C9orf85: variants seen among roughly 807,000 people sequenced by gnomAD.
C9orf85 encodes the protein uncharacterized protein C9orf85.
A neutral mutation model predicts 14.9 loss-of-function variants in C9orf85; 16 were observed. The ratio of observed to expected loss-of-function variants is 1.08; its 90% CI spans 0.73 to 1.63. The LOEUF is 1.63. Among genes scored for constraint, C9orf85 ranks in the 40% most tolerant of loss-of-function variants. The pLI is 0.00. For synonymous variants in C9orf85, 45 were observed against 56.8 expected, an observed-to-expected ratio of 0.79 and a Z score of 0.93; for missense variants, 172 against 186.1, an observed-to-expected ratio of 0.92 and a Z score of 0.44.
intron 2 of C9orf85, among the ~76,000 whole-genome samples, chr9:71,959,284 C>T (rs1038969096): frequency 4.0e-5 from 6 of 151,674 alleles, no homozygotes; most frequent in Admixed American, 3.3e-4. Flanking sequence ...ATTACAGGCA[C>T]GCCCCACCAT....
chr9:71,957,641 C>T (rs995143688), intron 2 of C9orf85, among the ~76,000 whole-genome samples: 1 of 152,138 alleles, frequency 6.6e-6, no homozygotes, highest in East Asian at 1.9e-4. Flanking sequence ...TGAAGATAGT[C>T]AAAACATAAA....
At chr9:71,953,831 G>A (rs781482670) in intron 2 of C9orf85, among the ~76,000 whole-genome samples, 67 of 152,068 alleles carry the variant, frequency 4.4e-4, no homozygotes, top group Non-Finnish European at 1.6e-4. Flanking sequence ...AGGCACAGTC[G>A]CTCACACCTG....
intron 2 of C9orf85, among the ~76,000 whole-genome samples, chr9:71,952,396 G>T (rs994786811): frequency 1.3e-5 from 2 of 151,648 alleles, no homozygotes; most frequent in Non-Finnish European, 2.9e-5. Context: ...ACGGAGTCTC[G>T]CTCTGTCGCC....
chr9:71,940,697 A>C (rs573435879), intron 1 of C9orf85, among the ~76,000 whole-genome samples: 2 of 152,224 alleles, frequency 1.3e-5, no homozygotes, highest in African/African-American at 2.4e-5. Context: ...TAAGCATTCC[A>C]TTATACAACC....
At chr9:71,946,642 A>T (rs1822094057) in intron 1 of C9orf85, among the ~76,000 whole-genome samples, 1 of 151,988 alleles carries the variant, frequency 6.6e-6, no homozygotes, top group South Asian at 2.1e-4. Context: ...AAATACAAAA[A>T]ATTAGCTGGG....
chr9:71,962,765 T>A (rs7045689), intron 2 of C9orf85, among the ~76,000 whole-genome samples: 4,251 of 152,228 alleles, frequency 0.028, 215 homozygotes, highest in African/African-American at 0.097. Flanking sequence ...TACAAAAAGT[T>A]GTGTTACTGG....
intron 1 of C9orf85, among the ~76,000 whole-genome samples, chr9:71,913,884 T>C (rs887972387): frequency 4.0e-5 from 2 of 49,384 alleles, no homozygotes; most frequent in Non-Finnish European, 9.6e-5. Flanking sequence ...TTTTTATCTT[T>C]TTATCTTTAA....
chr9:71,924,062 C>G (rs1827876311), intron 1 of C9orf85, among the ~76,000 whole-genome samples: 1 of 152,192 alleles, frequency 6.6e-6, no homozygotes. Flanking sequence ...ATCCTCTTAA[C>G]TGTTTAAATA....
intron 2 of C9orf85, among the ~76,000 whole-genome samples, chr9:71,965,183 C>T (rs1164749699): frequency 1.3e-5 from 2 of 152,328 alleles, no homozygotes; most frequent in Middle Eastern, 3.4e-3. Context: ...TAGCCATTGC[C>T]GGCTTGAATG....
intron 2 of C9orf85, among the ~76,000 whole-genome samples, chr9:71,965,937 A>G (rs993925763): frequency 6.6e-6 from 1 of 152,132 alleles, no homozygotes; most frequent in African/African-American, 2.4e-5. Flanking sequence ...CCCTATTTCT[A>G]TATTTGAGTC....
At chr9:71,952,175 T>G (rs916730428) in intron 2 of C9orf85, among the ~76,000 whole-genome samples, 1 of 152,152 alleles carries the variant, frequency 6.6e-6, no homozygotes, top group African/African-American at 2.4e-5. Flanking sequence ...AAGCCTTGTT[T>G]TCCTTTTCTC....
rs186072817 is a variant in C9orf85, at chr9:71,966,625, A to G, written c.210-4880A>G. Among the ~76,000 whole-genome samples, 334 of 150,854 alleles carry G rather than the reference A, an allele frequency of 2.2e-3. 1 individual carries two copies. Among genetic ancestry groups the G allele is most frequent in the African/African-American group, 7.8e-3 (313 of 40,320 alleles). ...ACGTGTGCACAGGAGTCATGACTATAAAAAAAACGCAAAGGCAAGATGGTT... is the reference window on the plus strand; with the variant it reads ...ACGTGTGCACAGGAGTCATGACTATGAAAAAAACGCAAAGGCAAGATGGTT... On this transcript the variant is annotated intron_variant, in intron 2 of 3. Transcript: ENST00000334731.
At chr9:71,968,190 T>C (rs1433337751) in intron 2 of C9orf85, among the ~76,000 whole-genome samples, 1 of 152,076 alleles carries the variant, frequency 6.6e-6, no homozygotes, top group Non-Finnish European at 1.5e-5. Context: ...ATTGCTGGAT[T>C]TGATTTGCTA....
At chr9:71,957,124 T>C (rs1822400157) in intron 2 of C9orf85, among the ~76,000 whole-genome samples, 1 of 152,172 alleles carries the variant, frequency 6.6e-6, no homozygotes, top group South Asian at 2.1e-4. Context: ...AGACTGACTT[T>C]CTATAGTTTT....
At chr9:71,958,340 G>T (rs752863249) in intron 2 of C9orf85, among the ~76,000 whole-genome samples, 1 of 149,414 alleles carries the variant, frequency 6.7e-6, no homozygotes. Flanking sequence ...TCTGCTCACC[G>T]CAACCTCTGC....
intron 1 of C9orf85, among the ~76,000 whole-genome samples, chr9:71,931,981 T>A (rs1828081740): frequency 6.6e-6 from 1 of 152,284 alleles, no homozygotes; most frequent in Admixed American, 6.5e-5. Context: ...GAAAGCTTGT[T>A]TAAAATGCAG....
chr9:71,974,681 G>T (rs1822970877), downstream of C9orf85, among the ~76,000 whole-genome samples: 1 of 152,274 alleles, frequency 6.6e-6, no homozygotes, highest in South Asian at 2.1e-4. Flanking sequence ...TCTAGCAGTG[G>T]TAGAGGGAAT....
intron 1 of C9orf85, among the ~76,000 whole-genome samples, chr9:71,945,711 A>T (rs1822068552): frequency 6.6e-6 from 1 of 152,214 alleles, no homozygotes; most frequent in Admixed American, 6.5e-5. Context: ...AGATGATCTG[A>T]TGTAAACATT....
chr9:71,931,440 T>C (rs561399389), intron 1 of C9orf85, among the ~76,000 whole-genome samples: 1 of 152,350 alleles, frequency 6.6e-6, no homozygotes, highest in South Asian at 2.1e-4. Context: ...AAGTCACTTG[T>C]TTGGAGCTCA....
Sources: gnomAD v4.1 joint callset for allele counts (sites outside exome capture counted in the v4.1 genomes callset) on GRCh38, gnomAD v4.1.1 for gene constraint, MANE v1.5 for transcripts, NCBI Gene and HGNC (gene_info 2026-07-23, HGNC 2026-07-21) for gene names.